PTP4A3: variants seen among roughly 807,000 people sequenced by gnomAD.
PTP4A3 encodes the protein protein tyrosine phosphatase type IVA 3.
A neutral mutation model predicts 15.2 loss-of-function variants in PTP4A3; 9 were observed. The ratio of observed to expected loss-of-function variants is 0.59; its 90% CI spans 0.36 to 1.03. The LOEUF (loss-of-function observed/expected upper bound fraction) is 1.03. PTP4A3 is among the 50% of genes least tolerant of loss of function. PTP4A3 has a pLI of 0.02. For synonymous variants in PTP4A3, 95 were observed against 102.0 expected (o/e 0.93, Z 0.41); for missense variants, 234 against 252.1 (o/e 0.93, Z 0.49).
At chr8:141,396,694 C>T (rs1832459274) in intron 1 of PTP4A3, among the ~76,000 whole-genome samples, 1 of 152,168 alleles carries the variant, frequency 6.6e-6, no homozygotes, top group South Asian at 2.1e-4. Context: ...ATGGGGGCTA[C>T]AGGGTGGGGA....
chr8:141,415,122 A>T (rs923787822), intron 1 of PTP4A3, among the ~76,000 whole-genome samples: 1 of 152,112 alleles, frequency 6.6e-6, no homozygotes, highest in African/African-American at 2.4e-5. Flanking sequence ...TGCTGAGCCC[A>T]GGGCTGCCAC....
At position 141,427,012 on chromosome 8, in the gene PTP4A3, A is replaced by G; in HGVS notation, c.272A>G (p.Lys91Arg). 6.2e-7 allele frequency: 1 copy of G among 1,604,736 alleles called. No homozygotes were observed. The highest frequency in any genetic ancestry group is 8.5e-7 in the Non-Finnish European group (1 of 1,179,832). Residue 91 changes from lysine to arginine, a missense_variant, in exon 4 of 6, where the codon AAG (lysine) becomes AGG (arginine). Physicochemically the swap from Lys to Arg is conservative, Grantham distance 26. Transcript: ENST00000521578. ...VEDWLSLVKA[K>R]FCEAPGSCVA... is the part of the protein sequence containing the mutation. ...GACTGGCTGAGCCTGGTGAAGGCCAAGTTCTGTGAGGCCCCCGGCAGCTGC... is the reference window on the plus strand; with the variant it reads ...GACTGGCTGAGCCTGGTGAAGGCCAGGTTCTGTGAGGCCCCCGGCAGCTGC...
At chr8:141,401,895 C>G (rs1490679329) in intron 1 of PTP4A3, among the ~76,000 whole-genome samples, 1 of 152,222 alleles carries the variant, frequency 6.6e-6, no homozygotes, top group African/African-American at 2.4e-5. Flanking sequence ...GTGGCCCCAG[C>G]AGGGCCCAGT....
At position 141,425,191 on chromosome 8, in the gene PTP4A3, T is replaced by TGGGGGG; in HGVS notation, c.198+55_198+56insGGGGGG. The TGGGGGG allele has an allele frequency of 1.0e-5, 3 of 287,784 alleles. No individual in the cohort carries two copies. The highest frequency in any genetic ancestry group is 2.1e-5 in the Non-Finnish European group (3 of 146,164). The allele number at this position is 287,784 out of a possible 1,614,324, so 17.8% of individuals were successfully genotyped here. A position where few individuals can be genotyped will look rare whatever the true frequency, so the allele number is the denominator to read the frequency against. On this transcript the variant is annotated intron_variant, in intron 3 of 5. Coordinates refer to ENST00000521578, the MANE Select transcript of PTP4A3 (RefSeq NM_032611.3). The surrounding 1 kb of genome is among the most constrained non-coding windows in gnomAD (Gnocchi z 4.2). ...AGTCACTGCTGCCACCGGGGGAGGG[T>TGGGGGG]GGGGCGGGGGGCTCCGGGCCTGCGC...
rs7459696 is a variant in PTP4A3, at chr8:141,392,074, C to T, written c.-864C>T. ...CTCCACCCGTCGTGCCGGCGCCGCC[C>T]GGACCGCCAGGTCAGTCTCCTCCGC... On this transcript the variant is annotated 5_prime_UTR_variant, in exon 1 of 6. Coordinates refer to ENST00000521578, the MANE Select transcript of PTP4A3 (RefSeq NM_032611.3). 3 of 146,980 alleles carry T rather than the reference C, an allele frequency of 2.0e-5. No individual in the cohort carries two copies. The South Asian group carries it at 6.2e-4, about 31-fold the overall frequency. 9.1% of individuals were successfully genotyped at this position (146,980 alleles called of 1,614,324 possible).
chr8:141,401,519 GA>G (rs1224459779), intron 1 of PTP4A3, among the ~76,000 whole-genome samples: 1 of 152,180 alleles, frequency 6.6e-6, no homozygotes, highest in Non-Finnish European at 1.5e-5. Flanking sequence ...TCTGCTGACG[GA>G]TGCTGCTGGC....
intron 1 of PTP4A3, among the ~76,000 whole-genome samples, chr8:141,395,553 AC>A (rs1474061941): frequency 7.6e-6 from 1 of 132,408 alleles, no homozygotes; most frequent in Non-Finnish European, 1.6e-5. Context: ...TGCCCAGTGC[AC>A]CCCCACTTCC....
chr8:141,429,747 A>G (rs77757772), intron 5 of PTP4A3, among the ~76,000 whole-genome samples: 1 of 126 alleles, frequency 7.9e-3, no homozygotes, highest in Non-Finnish European at 0.025. Flanking sequence ...GGTGGCGGGG[A>G]CAGGGTGAGC....
At chr8:141,410,910 G>T (rs1832852286) in intron 1 of PTP4A3, among the ~76,000 whole-genome samples, 2 of 152,284 alleles carry the variant, frequency 1.3e-5, no homozygotes, top group South Asian at 2.1e-4. Context: ...TTTGAGCTGA[G>T]CTTTGAGCCG....
At chr8:141,408,503 CA>C (rs1832787574) in intron 1 of PTP4A3, among the ~76,000 whole-genome samples, 1 of 151,934 alleles carries the variant, frequency 6.6e-6, no homozygotes, top group African/African-American at 2.4e-5. Flanking sequence ...CCCGTAATTC[CA>C]GCTACTTGGG....
intron 5 of PTP4A3, among the ~76,000 whole-genome samples, chr8:141,429,606 G>A (rs112232528): frequency 3.3e-5 from 5 of 150,850 alleles, no homozygotes; most frequent in African/African-American, 9.8e-5. Flanking sequence ...CAGGGTAAGC[G>A]CACAGCCCAC....
intron 1 of PTP4A3, among the ~76,000 whole-genome samples, chr8:141,399,462 C>T (rs924032118): frequency 6.6e-6 from 1 of 152,206 alleles, no homozygotes. Flanking sequence ...GCTGCCCCTC[C>T]CCTCGGTGGC....
intron 1 of PTP4A3, among the ~76,000 whole-genome samples, chr8:141,413,845 C>G (rs1832936483): frequency 6.6e-6 from 1 of 152,250 alleles, no homozygotes; most frequent in African/African-American, 2.4e-5. Flanking sequence ...GGGCAGAGGC[C>G]TTCCAGGCAA....
chr8:141,431,362 G>T lies in PTP4A3; in HGVS notation c.*318G>T, dbSNP rs899010216. On this transcript the variant is annotated 3_prime_UTR_variant, in exon 6 of 6. Transcript: ENST00000521578. ...ACACCAGCCAGGCTGGTCTCCTCTAGCCTGTTTGTTGTGGGGTGGGGGTAT... is the reference window on the plus strand; with the variant it reads ...ACACCAGCCAGGCTGGTCTCCTCTATCCTGTTTGTTGTGGGGTGGGGGTAT... 1 of 414,948 alleles carries T rather than the reference G, an allele frequency of 2.4e-6. No homozygotes were observed. Among genetic ancestry groups the T allele is most frequent in the Non-Finnish European group, 4.3e-6 (1 of 230,622 alleles). 25.7% of individuals were successfully genotyped at this position (414,948 alleles called of 1,614,324 possible).
At chr8:141,417,969 G>A (rs897289737) in intron 1 of PTP4A3, among the ~76,000 whole-genome samples, 1 of 151,900 alleles carries the variant, frequency 6.6e-6, no homozygotes, top group Non-Finnish European at 1.5e-5. Flanking sequence ...CAGCACCGTG[G>A]GCACCGCCAG....
At chr8:141,414,637 A>AGGGG in intron 1 of PTP4A3, among the ~76,000 whole-genome samples, 1 of 143,030 alleles carries the variant, frequency 7.0e-6, no homozygotes, top group African/African-American at 2.8e-5. Flanking sequence ...GGGGGTAGGG[A>AGGGG]CTGTTGGGCA....
intron 1 of PTP4A3, among the ~76,000 whole-genome samples, chr8:141,404,372 ACT>A (rs946942147): frequency 2.0e-5 from 3 of 151,990 alleles, no homozygotes; most frequent in Admixed American, 2.0e-4. Context: ...AGGATAGGGG[ACT>A]CTCATAGGAT....
At chr8:141,404,702 G>C (rs897574171) in intron 1 of PTP4A3, among the ~76,000 whole-genome samples, 1 of 152,164 alleles carries the variant, frequency 6.6e-6, no homozygotes. Context: ...CTCTGCAGAG[G>C]CAGGGGCTCC....
In PTP4A3 at chr8:141,425,603, C is replaced by T. The variant is rs112071894; in HGVS notation, c.198+463C>T. 1.8e-4 allele frequency among the ~76,000 whole-genome samples: 22 copies of T among 125,260 alleles called. No individual in the cohort carries two copies. The highest frequency in any genetic ancestry group is 5.7e-4 in the African/African-American group (18 of 31,688). 82.2% of individuals were successfully genotyped at this position (125,260 alleles called of 152,430 possible). ...ACCCAGGTCTGGGCGGGGGGTGGGG[C>T]GGTTCTGCTGCGATATCCTTGGGGG... On this transcript the variant is annotated intron_variant, in intron 3 of 5. Coordinates refer to ENST00000521578, the MANE Select transcript of PTP4A3 (RefSeq NM_032611.3). This position sits in a 1 kb window ranked among gnomAD's most constrained non-coding sequence, Gnocchi z 4.2.
Sources: allele counts gnomAD v4.1 joint callset (sites outside exome capture counted in the v4.1 genomes callset), GRCh38; gene constraint gnomAD v4.1.1; non-coding constraint Gnocchi (gnomAD v3.1); transcripts MANE v1.5; gene names NCBI Gene and HGNC (gene_info 2026-07-23, HGNC 2026-07-21).